The following PICALM variants were observed in gnomAD, a reference collection of about 807,000 sequenced individuals.
PICALM encodes phosphatidylinositol binding clathrin assembly protein, also known as phosphatidylinositol-binding clathrin assembly protein.
A neutral mutation model predicts 80.5 loss-of-function variants in PICALM; 40 were observed. The observed-to-expected ratio is 0.50, with a 90% CI of 0.39 to 0.65. The LOEUF (loss-of-function observed/expected upper bound fraction) is 0.65, where lower values mean the gene tolerates loss of function less well. Among genes scored for constraint, PICALM ranks in the 30% least tolerant of loss-of-function variants. PICALM has a pLI of 0.00. For missense variants in PICALM, 676 were observed against 778.9 expected (o/e 0.87, Z 1.57); for synonymous variants, 288 against 260.3 (o/e 1.11, Z -1.02).
intron 19 of PICALM, among the ~76,000 whole-genome samples, chr11:85,970,263 A>C (rs372959903): frequency 6.6e-6 from 1 of 152,248 alleles, no homozygotes; most frequent in Non-Finnish European, 1.5e-5. Context: ...TCCAGATCTC[A>C]TAAGGATGTG....
At chr11:86,015,033 T>A (rs1040537799) in intron 4 of PICALM, 70 bp from the exon 5 acceptor site, 18 of 896,906 alleles carry the variant, frequency 2.0e-5, no homozygotes, top group Non-Finnish European at 2.6e-5. Context: ...ACTCCCCCCC[T>A]GGTTTTCTAC....
chr11:85,992,575 C>T (rs2094818290), intron 12 of PICALM, among the ~76,000 whole-genome samples: 1 of 152,164 alleles, frequency 6.6e-6, no homozygotes, highest in Admixed American at 6.5e-5. Context: ...GCATGAGCCA[C>T]CACACACGGC....
At chr11:86,038,021 A>G (rs1436631709) in intron 1 of PICALM, among the ~76,000 whole-genome samples, 1 of 152,198 alleles carries the variant, frequency 6.6e-6, no homozygotes, top group Non-Finnish European at 1.5e-5. Flanking sequence ...GAGGTGGTAC[A>G]AGAATAAGAG....
chr11:85,977,497 T>C (rs2094318761), intron 17 of PICALM, among the ~76,000 whole-genome samples: 1 of 152,184 alleles, frequency 6.6e-6, no homozygotes, highest in African/African-American at 2.4e-5. Context: ...TGAATAAAGG[T>C]GAAAGACCAA....
In PICALM at chr11:85,962,104, T is replaced by C. The variant is rs995061773; in HGVS notation, c.1945-3044A>G. 4.6e-5 allele frequency among the ~76,000 whole-genome samples: 7 copies of C among 152,276 alleles called. No homozygotes were observed. The South Asian group carries it at 1.4e-3, about 32-fold the overall frequency. Reference sequence around the variant, plus strand: ...ACAATGATGGAATCACGCAGGCAGCTACAGATGGGAGGACAGAGCAGCATG... The same window carrying C: ...ACAATGATGGAATCACGCAGGCAGCCACAGATGGGAGGACAGAGCAGCATG... On this transcript the variant is annotated intron_variant, in intron 19 of 19. Transcript: ENST00000393346.
At chr11:86,028,154 T>C (rs750847617) in intron 2 of PICALM, among the ~76,000 whole-genome samples, 11 of 152,224 alleles carry the variant, frequency 7.2e-5, no homozygotes, top group Non-Finnish European at 1.6e-4. Flanking sequence ...ATGGCTTTAA[T>C]CAAGTTTTGA....
chr11:86,034,919 T>C (rs1184205038), intron 1 of PICALM, among the ~76,000 whole-genome samples: 1 of 152,154 alleles, frequency 6.6e-6, no homozygotes, highest in Non-Finnish European at 1.5e-5. Context: ...TTAACTGTAT[T>C]TACACAGGCA....
chr11:86,036,886 G>A (rs2095849846), intron 1 of PICALM, among the ~76,000 whole-genome samples: 1 of 147,978 alleles, frequency 6.8e-6, no homozygotes, highest in Non-Finnish European at 1.5e-5. Flanking sequence ...ATGACTGCTT[G>A]AGGTCACGAG....
intron 14 of PICALM, among the ~76,000 whole-genome samples, chr11:85,982,423 C>CCTTTTTTTTTTTTTTT (rs748828136): frequency 7.1e-5 from 5 of 70,168 alleles, no homozygotes; most frequent in Non-Finnish European, 1.0e-4. Flanking sequence ...ATTTTATAGA[C>CCTTTTTTTTTTTTTTT]TTTTTTTTTT....
chr11:85,974,804 T>C lies in PICALM; in HGVS notation c.1848A>G (p.Gln616=). 6.2e-7 allele frequency: 1 copy of C among 1,610,640 alleles called. No homozygotes were observed. The stretch of plus-strand genomic sequence containing the variant: ...GCGTCATTACAGGAACACTTCCCAT[T>C]TGTGGAGGCTAAAAAAGAGAAAAAT... ...TGMIGYGIPP[Q]MGSVPVMTQP... The change falls in exon 19 of 20, where the codon CAA becomes CAG. Residue 616 remains glutamine, a synonymous_variant. Coordinates refer to ENST00000393346, the MANE Select transcript of PICALM (RefSeq NM_007166.4).
At chr11:85,971,005 G>A (rs2094094011) in intron 19 of PICALM, among the ~76,000 whole-genome samples, 1 of 152,118 alleles carries the variant, frequency 6.6e-6, no homozygotes, top group Non-Finnish European at 1.5e-5. Flanking sequence ...AGAAGGGTGG[G>A]TCTAATTATA....
chr11:86,058,095 A>C (rs1417808722), intron 1 of PICALM, among the ~76,000 whole-genome samples: 1 of 152,234 alleles, frequency 6.6e-6, no homozygotes, highest in Non-Finnish European at 1.5e-5. Flanking sequence ...TGCAGTGTGA[A>C]TACCACCCGC....
chr11:85,982,422 A>ATATTTTTTTTTT (rs1446437172), intron 14 of PICALM, among the ~76,000 whole-genome samples: 1 of 29,768 alleles, frequency 3.4e-5, no homozygotes, highest in Non-Finnish European at 6.4e-5. Context: ...GATTTTATAG[A>ATATTTTTTTTTT]CTTTTTTTTT....
intron 1 of PICALM, among the ~76,000 whole-genome samples, chr11:86,053,831 G>A (rs1241952260): frequency 1.3e-5 from 2 of 152,082 alleles, no homozygotes; most frequent in African/African-American, 4.8e-5. Context: ...GCCTCCCAAA[G>A]TTCTGGAATT....
At chr11:85,960,055 T>C (rs917543441) in intron 19 of PICALM, among the ~76,000 whole-genome samples, 8 of 152,246 alleles carry the variant, frequency 5.3e-5, no homozygotes, top group Admixed American at 5.2e-4. Context: ...TGATATACAA[T>C]TAGAGACAAT....
chr11:85,978,683 G>A (rs1248606214), intron 17 of PICALM: 1 of 152,038 alleles, frequency 6.6e-6, no homozygotes, highest in Non-Finnish European at 1.5e-5. Context: ...AAAATCCTTA[G>A]GAGATGATAC....
At chr11:86,048,059 C>T (rs1202919444) in intron 1 of PICALM, among the ~76,000 whole-genome samples, 2 of 152,118 alleles carry the variant, frequency 1.3e-5, no homozygotes, top group African/African-American at 4.8e-5. Context: ...CGAGATCCCG[C>T]CACTGCACTC....
At chr11:85,988,689 A>AG (rs1194234096) in intron 13 of PICALM, among the ~76,000 whole-genome samples, 1 of 152,054 alleles carries the variant, frequency 6.6e-6, no homozygotes, top group African/African-American at 2.4e-5. Flanking sequence ...GAAAAAAAAG[A>AG]AAGAGAAGAG....
At chr11:86,029,312 T>C (rs889499381) in intron 2 of PICALM, among the ~76,000 whole-genome samples, 2 of 152,158 alleles carry the variant, frequency 1.3e-5, no homozygotes, top group East Asian at 1.9e-4. Context: ...CACCACAGTA[T>C]AGTGAAATCC....
Sources: gnomAD v4.1 joint callset for allele counts (sites outside exome capture counted in the v4.1 genomes callset) on GRCh38, gnomAD v4.1.1 for gene constraint, MANE v1.5 for transcripts, NCBI Gene and HGNC (gene_info 2026-07-23, HGNC 2026-07-21) for gene names.